GALK2: variants seen among roughly 807,000 people sequenced by gnomAD.
The protein encoded by GALK2 is galactokinase 2, also known as N-acetylgalactosamine kinase.
GALK2 carries 36 observed loss-of-function variants against 52.4 expected under a neutral mutation model. The observed-to-expected ratio is 0.69, with a 90% CI of 0.53 to 0.91. The LOEUF (loss-of-function observed/expected upper bound fraction) is 0.91, where lower values mean the gene tolerates loss of function less well. Among genes scored for constraint, GALK2 ranks in the 40% least tolerant of loss-of-function variants. GALK2 has a pLI of 0.00. For missense variants in GALK2, 579 were observed against 559.1 expected, an observed-to-expected ratio of 1.04 and a Z score of -0.36; for synonymous variants, 176 against 199.1, an observed-to-expected ratio of 0.88 and a Z score of 0.98.
chr15:49,358,696 C>G (rs988125871), intron 3 of GALK2, among the ~76,000 whole-genome samples: 1 of 150,996 alleles, frequency 6.6e-6, no homozygotes, highest in Non-Finnish European at 1.5e-5. Flanking sequence ...CCATCCCCAT[C>G]AAGCTACCAA....
chr15:49,197,543 A>G (rs2087342268), intron 1 of GALK2, among the ~76,000 whole-genome samples: 1 of 152,190 alleles, frequency 6.6e-6, no homozygotes, highest in African/African-American at 2.4e-5. Flanking sequence ...TATTTGTTTC[A>G]TATACGCTTT....
In GALK2 at chr15:49,292,516, C is replaced by A. The variant is rs144789254; in HGVS notation, c.946C>A (p.Leu316Met). Residue 316 changes from leucine to methionine, a missense_variant, in exon 8 of 10, where the codon CTG (leucine) becomes ATG (methionine). Physicochemically the swap from Leu to Met is conservative, Grantham distance 15. Transcript: ENST00000560031. Reference sequence around the variant, plus strand: ...CCTGGAGGAACTCCGAACCCAAATCCTGAGTCCAAACACTCAAGATGGTGA... The same window carrying A: ...CCTGGAGGAACTCCGAACCCAAATCATGAGTCCAAACACTCAAGATGGTGA... ...ISLEELRTQI[L>M]SPNTQDVLIF... The A allele has an allele frequency of 1.9e-5, 31 of 1,613,754 alleles. No individual in the cohort carries two copies. In the African/African-American group the frequency reaches 3.9e-4, roughly 20 times the overall value.
chr15:49,165,862 G>A (rs913679678), upstream of GALK2, among the ~76,000 whole-genome samples: 2 of 150,032 alleles, frequency 1.3e-5, no homozygotes, highest in Non-Finnish European at 3.0e-5. Context: ...GAGTGCAGTG[G>A]TGCCATCTCC....
At chr15:49,156,226 G>T in intron 1 of GALK2, 1 of 570,800 alleles carries the variant, frequency 1.8e-6, no homozygotes, top group Non-Finnish European at 3.1e-6. Flanking sequence ...TCAACGAGTT[G>T]TAAACTGACC....
At chr15:49,275,603 T>C (rs888977326) in intron 5 of GALK2, among the ~76,000 whole-genome samples, 2 of 152,246 alleles carry the variant, frequency 1.3e-5, no homozygotes, top group Non-Finnish European at 2.9e-5. Flanking sequence ...CCCATAGGCA[T>C]GGTTAACTAA....
At chr15:49,299,795 C>A (rs1361683954) in intron 8 of GALK2, among the ~76,000 whole-genome samples, 1 of 116,864 alleles carries the variant, frequency 8.6e-6, no homozygotes, top group East Asian at 2.4e-4. Flanking sequence ...TTCTTTCTTT[C>A]GTGCTGTAGT....
chr15:49,211,346 C>G (rs1393638292), intron 2 of GALK2, among the ~76,000 whole-genome samples: 2 of 152,144 alleles, frequency 1.3e-5, no homozygotes, highest in African/African-American at 2.4e-5. Context: ...CTTCATTGTT[C>G]ATATTATTAT....
At chr15:49,257,809 C>T (rs1261185218) in intron 5 of GALK2, among the ~76,000 whole-genome samples, 2 of 151,612 alleles carry the variant, frequency 1.3e-5, no homozygotes, top group East Asian at 3.9e-4. Flanking sequence ...TAGGTTTTTC[C>T]TGATCTCATT....
At chr15:49,272,555 C>G (rs547835450) in intron 5 of GALK2, among the ~76,000 whole-genome samples, 1 of 152,268 alleles carries the variant, frequency 6.6e-6, no homozygotes, top group Admixed American at 6.5e-5. Context: ...GAAGACTGCA[C>G]TTGGAGTAGC....
At chr15:49,294,604 C>T (rs958852544) in intron 8 of GALK2, among the ~76,000 whole-genome samples, 2 of 152,086 alleles carry the variant, frequency 1.3e-5, no homozygotes, top group Non-Finnish European at 1.5e-5. Flanking sequence ...TTTAACAAAT[C>T]GTATTGACTT....
intron 5 of GALK2, among the ~76,000 whole-genome samples, chr15:49,255,153 T>A (rs141138862): frequency 2.8e-5 from 4 of 143,382 alleles, no homozygotes; most frequent in African/African-American, 5.0e-5. Flanking sequence ...GCAGTTCATA[T>A]TCAAATTTCC....
At chr15:49,179,644 GTTTC>G (rs1342175828) in intron 1 of GALK2, among the ~76,000 whole-genome samples, 4 of 130,764 alleles carry the variant, frequency 3.1e-5, no homozygotes, top group South Asian at 5.0e-4. Context: ...TTTTTTCTTT[GTTTC>G]TTTCTTTTTT....
chr15:49,366,739 G>A (rs1596602134), intron 3 of GALK2: 3 of 918,850 alleles, frequency 3.3e-6, no homozygotes, highest in East Asian at 5.3e-5. Context: ...GGTGGGGTAG[G>A]CTGGGAGTCC....
chr15:49,327,538 T>C (rs2037730450), intron 9 of GALK2: 1 of 155,574 alleles, frequency 6.4e-6, no homozygotes, highest in Non-Finnish European at 1.4e-5. Context: ...TGATTTGTCC[T>C]CATTTGGAGT....
chr15:49,239,245 A>C lies in GALK2; in HGVS notation c.382A>C (p.Thr128Pro). The change falls in exon 5 of 10, where the codon ACT (threonine) becomes CCT (proline). Residue 128 changes from threonine (T) to proline (P), a missense_variant. Physicochemically the swap from Thr to Pro is conservative, Grantham distance 38. Coordinates refer to ENST00000560031, the MANE Select transcript of GALK2 (RefSeq NM_002044.4). Reference sequence around the variant, plus strand: ...GGAACACTTTGGTCTTAGTAACCTGACTGGAATGAACTGCCTGGTAGATGG... The same window carrying C: ...GGAACACTTTGGTCTTAGTAACCTGCCTGGAATGAACTGCCTGGTAGATGG... ...IQEHFGLSNL[T>P]GMNCLVDGNI... 1.2e-6 allele frequency: 2 copies of C among 1,614,026 alleles called. No homozygotes were observed. The highest frequency in any genetic ancestry group is 2.2e-5 in the East Asian group (1 of 44,866).
At chr15:49,252,834 A>G (rs532849303) in intron 5 of GALK2, among the ~76,000 whole-genome samples, 1 of 144,686 alleles carries the variant, frequency 6.9e-6, no homozygotes, top group Non-Finnish European at 1.6e-5. Context: ...AGTTCTATCA[A>G]TCTTTTAAAT....
chr15:49,239,668 T>G (rs974006931), intron 5 of GALK2, among the ~76,000 whole-genome samples: 1 of 152,208 alleles, frequency 6.6e-6, no homozygotes, highest in Non-Finnish European at 1.5e-5. Flanking sequence ...GGGCAAGAAA[T>G]TCTTCCTCTC....
chr15:49,166,850 T>C (rs2084839280), upstream of GALK2, among the ~76,000 whole-genome samples: 1 of 152,250 alleles, frequency 6.6e-6, no homozygotes, highest in African/African-American at 2.4e-5. Context: ...CAATAGTTTT[T>C]ATTGTAAGTC....
intron 1 of GALK2, chr15:49,156,271 G>T: frequency 2.0e-6 from 1 of 500,682 alleles, no homozygotes; most frequent in South Asian, 2.2e-5. Flanking sequence ...AGGTAACAAC[G>T]ACTGGTTTTT....
Sources: gnomAD v4.1 joint callset for allele counts (sites outside exome capture counted in the v4.1 genomes callset) on GRCh38, gnomAD v4.1.1 for gene constraint, MANE v1.5 for transcripts, NCBI Gene and HGNC (gene_info 2026-07-23, HGNC 2026-07-21) for gene names.